Variants in BMPR1B observed in about 807,000 individuals in gnomAD.
The protein encoded by BMPR1B is bone morphogenetic protein receptor type 1B.
A neutral mutation model predicts 59.1 loss-of-function variants in BMPR1B; 12 were observed. The ratio of observed to expected loss-of-function variants is 0.20; its 90% CI spans 0.13 to 0.33. The LOEUF is 0.33. Among genes scored for constraint, BMPR1B ranks in the 10% least tolerant of loss-of-function variants. The pLI is 1.00. For synonymous variants in BMPR1B, 237 were observed against 207.3 expected, an observed-to-expected ratio of 1.14 and a Z score of -1.23; for missense variants, 550 against 610.9, an observed-to-expected ratio of 0.90 and a Z score of 1.05.
intron 1 of BMPR1B, among the ~76,000 whole-genome samples, chr4:94,850,512 G>A (rs1725528034): frequency 6.6e-6 from 1 of 152,174 alleles, no homozygotes. Flanking sequence ...CCAGTGGCAA[G>A]GTCACAGGTA....
chr4:94,765,912 T>C (rs995335384), intron 1 of BMPR1B, among the ~76,000 whole-genome samples: 7 of 152,212 alleles, frequency 4.6e-5, no homozygotes, highest in Admixed American at 3.3e-4. Flanking sequence ...GAATCGTGGC[T>C]GTATCATTTC....
chr4:94,944,780 A>G (rs1313269350), intron 2 of BMPR1B, among the ~76,000 whole-genome samples: 2 of 152,204 alleles, frequency 1.3e-5, no homozygotes, highest in East Asian at 1.9e-4. Flanking sequence ...TAATGCTACC[A>G]TAATGTTTAT....
chr4:94,907,897 G>A (rs1177323282), intron 2 of BMPR1B, among the ~76,000 whole-genome samples: 3 of 150,736 alleles, frequency 2.0e-5, no homozygotes, highest in Non-Finnish European at 4.4e-5. Flanking sequence ...AAGGTAAAAA[G>A]TCTTAAGCCA....
intron 2 of BMPR1B, among the ~76,000 whole-genome samples, chr4:94,903,491 C>A (rs886226379): frequency 1.3e-5 from 2 of 149,002 alleles, no homozygotes; most frequent in African/African-American, 4.9e-5. Flanking sequence ...AATTTATATT[C>A]TTGTAAAGTT....
intron 2 of BMPR1B, among the ~76,000 whole-genome samples, chr4:94,879,108 G>C (rs765382702): frequency 6.6e-6 from 1 of 151,960 alleles, no homozygotes; most frequent in Non-Finnish European, 1.5e-5. Flanking sequence ...CCATTAACTC[G>C]TCATTTAGCA....
intron 2 of BMPR1B, among the ~76,000 whole-genome samples, chr4:94,922,253 G>A (rs1314656391): frequency 6.6e-6 from 1 of 152,120 alleles, no homozygotes; most frequent in Non-Finnish European, 1.5e-5. Flanking sequence ...GGGATTACAG[G>A]CATGAGTCAT....
Position 95,130,794 on chromosome 4 carries a change from G to A in BMPR1B, c.779-421G>A, listed in dbSNP as rs148615837. Among the ~76,000 whole-genome samples, 269 of 124,394 alleles carry A rather than the reference G, an allele frequency of 2.2e-3. 1 individual carries two copies. In the Middle Eastern group the frequency reaches 0.033, roughly 15 times the overall value. The allele number at this position is 124,394 out of a possible 152,430, so 81.6% of individuals were successfully genotyped here. Reference sequence around the variant, plus strand: ...CACCCAGGCTGGAGTGCAATGGTGTGATCTCCGCTCACGGTAATCTCTGCT... The same window carrying A: ...CACCCAGGCTGGAGTGCAATGGTGTAATCTCCGCTCACGGTAATCTCTGCT... On this transcript the variant is annotated intron_variant, in intron 9 of 12. Coordinates refer to ENST00000515059, the MANE Select transcript of BMPR1B (RefSeq NM_001203.3).
intron 2 of BMPR1B, among the ~76,000 whole-genome samples, chr4:94,969,007 A>T (rs1167265527): frequency 2.0e-5 from 3 of 151,408 alleles, no homozygotes; most frequent in Admixed American, 1.3e-4. Context: ...AGATAGGCAT[A>T]GTTTGTCTAT....
chr4:95,156,555 T>A lies in BMPR1B; in HGVS notation c.*1882T>A, dbSNP rs568766919. On this transcript the variant is annotated 3_prime_UTR_variant, in exon 13 of 13. Coordinates refer to ENST00000515059, the MANE Select transcript of BMPR1B (RefSeq NM_001203.3). ...GAGCTGTGCTTACAGTTTGGGAGAA[T>A]CATGAAGATTCTTTCTATATTTTGC... 1 of 152,156 alleles carries A rather than the reference T, an allele frequency of 6.6e-6. No individual in the cohort carries two copies. The highest frequency in any genetic ancestry group is 6.5e-5 in the Admixed American group (1 of 15,276). The allele number at this position is 152,156 out of a possible 1,614,324, so 9.4% of individuals were successfully genotyped here.
At chr4:94,998,238 CT>C (rs1722192419) in intron 3 of BMPR1B, among the ~76,000 whole-genome samples, 1 of 151,904 alleles carries the variant, frequency 6.6e-6, no homozygotes, top group African/African-American at 2.4e-5. Flanking sequence ...AAAATGGCAC[CT>C]TTTGTATTAT....
chr4:94,957,900 TAAG>T (rs137930804), intron 2 of BMPR1B, among the ~76,000 whole-genome samples: 5,738 of 152,206 alleles, frequency 0.038, 347 homozygotes, highest in African/African-American at 0.13. Context: ...TGATATGAAA[TAAG>T]AAGCGTAGAT....
chr4:95,068,445 G>A (rs73838015), intron 3 of BMPR1B, among the ~76,000 whole-genome samples: 8,495 of 152,120 alleles, frequency 0.056, 791 homozygotes, highest in African/African-American at 0.19. Flanking sequence ...CAGTTCCATG[G>A]AGACATTGCC....
chr4:94,951,629 GGT>G lies in BMPR1B; in HGVS notation c.-112-44410_-112-44409del, dbSNP rs1729942582. Among the ~76,000 whole-genome samples, 5 of 152,246 alleles carry G rather than the reference GGT, an allele frequency of 3.3e-5. No individual in the cohort carries two copies. The South Asian group carries it at 1.0e-3, about 32-fold the overall frequency. ...AAGCCGACTTGATCGTGGTGGATAA[GGT>G]TTGTGATGTGCTGCTGGATTCGTTT... On this transcript the variant is annotated intron_variant, in intron 2 of 12. Coordinates refer to ENST00000515059, the MANE Select transcript of BMPR1B (RefSeq NM_001203.3).
chr4:95,000,886 CTG>C (rs1342074620), intron 3 of BMPR1B, among the ~76,000 whole-genome samples: 1 of 152,104 alleles, frequency 6.6e-6, no homozygotes, highest in Non-Finnish European at 1.5e-5. Flanking sequence ...CAAAATTTTT[CTG>C]TAACAGTGAA....
At chr4:94,968,887 T>C (rs1730664875) in intron 2 of BMPR1B, among the ~76,000 whole-genome samples, 1 of 152,178 alleles carries the variant, frequency 6.6e-6, no homozygotes, top group African/African-American at 2.4e-5. Flanking sequence ...TTCTTTGCCA[T>C]ATTCCCTGGG....
At chr4:95,144,319 CATG>C (rs1312675766) in intron 10 of BMPR1B, among the ~76,000 whole-genome samples, 1 of 152,044 alleles carries the variant, frequency 6.6e-6, no homozygotes, top group Non-Finnish European at 1.5e-5. Context: ...GGGCTACAGG[CATG>C]TGCCACCACA....
chr4:94,988,082 C>G (rs764061390), intron 2 of BMPR1B, among the ~76,000 whole-genome samples: 2 of 152,048 alleles, frequency 1.3e-5, no homozygotes, highest in African/African-American at 2.4e-5. Flanking sequence ...TAAGAAATCT[C>G]TACTTACAGG....
chr4:94,881,946 C>T (rs1726990438), intron 2 of BMPR1B, among the ~76,000 whole-genome samples: 1 of 152,076 alleles, frequency 6.6e-6, no homozygotes, highest in African/African-American at 2.4e-5. Flanking sequence ...GTGTCTCAAC[C>T]CTGGCTATGC....
intron 2 of BMPR1B, among the ~76,000 whole-genome samples, chr4:94,952,106 C>A (rs1729964424): frequency 6.6e-6 from 1 of 151,988 alleles, no homozygotes; most frequent in South Asian, 2.1e-4. Context: ...AGATGATCTC[C>A]CCTTTATCAT....
Sources: allele counts gnomAD v4.1 joint callset (sites outside exome capture counted in the v4.1 genomes callset), GRCh38; gene constraint gnomAD v4.1.1; transcripts MANE v1.5; gene names NCBI Gene and HGNC (gene_info 2026-07-23, HGNC 2026-07-21).